The following CCDC68 variants were observed in gnomAD, a reference collection of about 807,000 sequenced individuals.
The protein encoded by CCDC68 is coiled-coil domain-containing protein 68.
CCDC68 carries 45 observed loss-of-function variants against 47.1 expected under a neutral mutation model. The observed-to-expected ratio is 0.96, with a 90% CI of 0.75 to 1.23. The LOEUF (loss-of-function observed/expected upper bound fraction) is 1.23. Ranked by LOEUF, CCDC68 falls within the 50% of genes most tolerant of loss-of-function variation. The pLI is 0.00. For missense variants in CCDC68, 353 were observed against 373.6 expected (o/e 0.94, Z 0.45); for synonymous variants, 131 against 129.5 (o/e 1.01, Z -0.08).
intron 10 of CCDC68, 42 bp downstream of exon 10, chr18:54,917,861 ACACACACACT>A: frequency 2.1e-6 from 2 of 932,048 alleles, no homozygotes; most frequent in African/African-American, 1.6e-5. Context: ...ACACACACAC[ACACACACACT>A]CACACCCTCA....
intron 8 of CCDC68, among the ~76,000 whole-genome samples, chr18:54,925,948 T>C (rs2044137440): frequency 6.6e-6 from 1 of 152,256 alleles, no homozygotes; most frequent in Non-Finnish European, 1.5e-5. Flanking sequence ...TACTATTTTC[T>C]ATAAAATTCT....
At chr18:54,911,969 A>G (rs12961598) in intron 10 of CCDC68, among the ~76,000 whole-genome samples, 16,891 of 152,264 alleles carry the variant, frequency 0.11, 1,233 homozygotes, top group Non-Finnish European at 0.16. Flanking sequence ...CTAGGACAGT[A>G]TATGCATGAG....
chr18:54,931,914 G>T (rs1216665882), intron 7 of CCDC68, among the ~76,000 whole-genome samples: 1 of 151,984 alleles, frequency 6.6e-6, no homozygotes. Context: ...TTTTCTCCAG[G>T]GGGCACCTAC....
chr18:54,934,029 A>C (rs2044305298), intron 7 of CCDC68, among the ~76,000 whole-genome samples: 1 of 152,238 alleles, frequency 6.6e-6, no homozygotes, highest in African/African-American at 2.4e-5. Flanking sequence ...AATACAGGCA[A>C]ATACAATAAA....
chr18:54,942,954 A>G (rs1302092504), intron 2 of CCDC68, 151 bp from the exon 3 acceptor site: 6 of 489,192 alleles, frequency 1.2e-5, no homozygotes, highest in Non-Finnish European at 2.2e-5. Flanking sequence ...TCATAAATCC[A>G]GGAATTAATT....
chr18:54,936,238 AATATATAGTTATATATATTTAAAAAT>A lies in CCDC68; in HGVS notation c.471+569_471+594del, dbSNP rs1363446608. On this transcript the variant is annotated intron_variant, in intron 6 of 11. Coordinates refer to ENST00000591504, the MANE Select transcript of CCDC68 (RefSeq NM_025214.3). Reference sequence around the variant, plus strand: ...AATATATATCTATATATTTTTAAAAAATATATAGTTATATATATTTAAAAATATATAGTTATATATTTTTAAATAAT... The same window carrying A: ...AATATATATCTATATATTTTTAAAAAATATAGTTATATATTTTTAAATAAT... 2.1e-5 allele frequency among the ~76,000 whole-genome samples: 3 copies of A among 144,186 alleles called. No homozygotes were observed. The South Asian group carries it at 6.4e-4, about 31-fold the overall frequency. 94.6% of individuals were successfully genotyped at this position (144,186 alleles called of 152,430 possible).
chr18:54,916,451 C>A (rs1054183811), intron 10 of CCDC68, among the ~76,000 whole-genome samples: 5 of 152,086 alleles, frequency 3.3e-5, no homozygotes, highest in African/African-American at 1.2e-4. Context: ...AGGATAAGGC[C>A]TCCAGTGGGA....
chr18:54,940,586 T>C (rs981683211), intron 4 of CCDC68, among the ~76,000 whole-genome samples: 1 of 152,096 alleles, frequency 6.6e-6, no homozygotes, highest in Non-Finnish European at 1.5e-5. Flanking sequence ...ACAGCTGATG[T>C]TGGGGAAGGG....
intron 9 of CCDC68, among the ~76,000 whole-genome samples, chr18:54,918,831 G>A (rs1162990070): frequency 6.6e-6 from 1 of 152,112 alleles, no homozygotes; most frequent in Non-Finnish European, 1.5e-5. Context: ...CAATCGCCTC[G>A]ACTTTGCCAC....
At chr18:54,914,911 G>A (rs892583393) in intron 10 of CCDC68, among the ~76,000 whole-genome samples, 1 of 152,140 alleles carries the variant, frequency 6.6e-6, no homozygotes, top group Non-Finnish European at 1.5e-5. Flanking sequence ...GTACAGCGTC[G>A]GGGTTAAGTT....
chr18:54,939,883 C>G lies in CCDC68; in HGVS notation c.204+1114G>C, dbSNP rs112177181. Among the ~76,000 whole-genome samples, 642 of 152,098 alleles carry G rather than the reference C, an allele frequency of 4.2e-3. 7 individuals carry two copies. The highest frequency in any genetic ancestry group is 0.014 in the African/African-American group (590 of 41,520). ...CTTGTAGAGATTTTGCCATGATAAT[C>G]TAGGGCCTTGCTACTCTCAACTGTG... On this transcript the variant is annotated intron_variant, in intron 4 of 11. Transcript: ENST00000591504.
intron 1 of CCDC68, among the ~76,000 whole-genome samples, chr18:54,949,045 G>A (rs1380049808): frequency 6.6e-6 from 1 of 152,226 alleles, no homozygotes; most frequent in Admixed American, 6.5e-5. Context: ...CCAGGTTTGA[G>A]TTAAGTGGCG....
chr18:54,930,333 GATA>G (rs2044220126), intron 7 of CCDC68, among the ~76,000 whole-genome samples: 1 of 151,978 alleles, frequency 6.6e-6, no homozygotes, highest in South Asian at 2.1e-4. Flanking sequence ...CTAAAATGGG[GATA>G]ATATTACCTA....
At chr18:54,936,691 A>T in intron 6 of CCDC68, 142 bp downstream of exon 6, 1 of 1,001,284 alleles carries the variant, frequency 1.0e-6, no homozygotes, top group Non-Finnish European at 1.5e-6. Context: ...GGCAAAAGAG[A>T]CAAGCACACC....
At chr18:54,909,451 A>G (rs1341176085) in intron 10 of CCDC68, among the ~76,000 whole-genome samples, 1 of 147,490 alleles carries the variant, frequency 6.8e-6, no homozygotes, top group African/African-American at 2.5e-5. Context: ...GCGCGATCTC[A>G]GTGTTACAAG....
rs377359891 is a variant in CCDC68 at position 54,919,256 on chromosome 18, C to A, written c.789+15G>T. The stretch of plus-strand genomic sequence containing the variant: ...ACATACTGTCTACCAGATAAATACA[C>A]TTGATTAATCTGACCTCCTGGATGA... On this transcript the variant is annotated intron_variant, in intron 9 of 11. Transcript: ENST00000591504. 15 of 1,589,114 alleles carry A rather than the reference C, an allele frequency of 9.4e-6. No homozygotes were observed. The African/African-American group carries it at 2.0e-4, about 21-fold the overall frequency.
chr18:54,957,875 T>G (rs908295842), intron 1 of CCDC68: 20 of 152,184 alleles, frequency 1.3e-4, no homozygotes, highest in Non-Finnish European at 2.8e-4. Context: ...TATTTCCCCT[T>G]TCAGTCATTA....
At chr18:54,942,850 G>C in intron 2 of CCDC68, 47 bp from the exon 3 acceptor site, 6 of 1,012,430 alleles carry the variant, frequency 5.9e-6, no homozygotes, top group Non-Finnish European at 9.4e-6. Flanking sequence ...TGTTTTGATT[G>C]TATGATTATA....
chr18:54,920,335 C>G (rs1471008771), intron 8 of CCDC68, among the ~76,000 whole-genome samples: 2 of 151,024 alleles, frequency 1.3e-5, no homozygotes, highest in African/African-American at 4.9e-5. Context: ...CTTGGCTCAC[C>G]GCAACCACCA....
Sources: gnomAD v4.1 joint callset for allele counts (sites outside exome capture counted in the v4.1 genomes callset) on GRCh38, gnomAD v4.1.1 for gene constraint, MANE v1.5 for transcripts, NCBI Gene and HGNC (gene_info 2026-07-23, HGNC 2026-07-21) for gene names.